Variants in ZNF804A observed in about 807,000 individuals in gnomAD.
ZNF804A encodes zinc finger protein 804A.
In ZNF804A, 2 loss-of-function variants were observed where a neutral mutation model predicts 16.5. The observed-to-expected ratio is 0.12, with a 90% CI of 0.05 to 0.38. The LOEUF (loss-of-function observed/expected upper bound fraction) is 0.38. Among genes scored for constraint, ZNF804A ranks in the 10% least tolerant of loss-of-function variants. The pLI, the probability that ZNF804A is intolerant of heterozygous loss-of-function variation, is 0.99. For synonymous variants in ZNF804A, 534 were observed against 489.6 expected (o/e 1.09, Z -1.20); for missense variants, 1,473 against 1,390.7 (o/e 1.06, Z -0.94).
intron 1 of ZNF804A, among the ~76,000 whole-genome samples, chr2:184,861,190 G>A (rs1258637924): frequency 6.6e-6 from 1 of 152,128 alleles, no homozygotes; most frequent in African/African-American, 2.4e-5. Context: ...AAAGTCCTAT[G>A]TTCACATTCC....
At chr2:184,879,359 T>C (rs901844527) in intron 2 of ZNF804A, among the ~76,000 whole-genome samples, 1 of 152,058 alleles carries the variant, frequency 6.6e-6, no homozygotes, top group Admixed American at 6.6e-5. Flanking sequence ...AAGGAGAACA[T>C]AGTGAAGTTT....
intron 1 of ZNF804A, among the ~76,000 whole-genome samples, chr2:184,783,736 T>C (rs938208153): frequency 6.6e-5 from 10 of 151,962 alleles, no homozygotes; most frequent in Non-Finnish European, 1.5e-4. Context: ...GCCCTTTCCA[T>C]AGCACATCTA....
At chr2:184,906,837 G>C in intron 2 of ZNF804A, among the ~76,000 whole-genome samples, 1 of 152,132 alleles carries the variant, frequency 6.6e-6, no homozygotes, top group Non-Finnish European at 1.5e-5. Context: ...GTTTTCTGTG[G>C]CTGCTCTAAA....
chr2:184,599,936 A>G (rs1691020095), intron 1 of ZNF804A, among the ~76,000 whole-genome samples: 1 of 152,178 alleles, frequency 6.6e-6, no homozygotes, highest in Admixed American at 6.5e-5. Context: ...TGTTTGGAGA[A>G]CTATACACCT....
At chr2:184,791,816 A>G (rs1694549083) in intron 1 of ZNF804A, among the ~76,000 whole-genome samples, 1 of 152,150 alleles carries the variant, frequency 6.6e-6, no homozygotes, top group Non-Finnish European at 1.5e-5. Context: ...ATAGTTTAAG[A>G]GCCCTAAAAA....
intron 1 of ZNF804A, among the ~76,000 whole-genome samples, chr2:184,732,765 T>C (rs571239633): frequency 6.6e-6 from 1 of 152,160 alleles, no homozygotes; most frequent in South Asian, 2.1e-4. Context: ...CTAAGTATTT[T>C]GTTTTGGGGG....
rs529290822 is a variant in ZNF804A, at chr2:184,600,097, G to A, written c.111+1027G>A. 2.6e-5 allele frequency among the ~76,000 whole-genome samples: 4 copies of A among 152,132 alleles called. No homozygotes were observed. In the East Asian group the frequency reaches 7.7e-4, roughly 29 times the overall value. On this transcript the variant is annotated intron_variant, in intron 1 of 3. Coordinates refer to ENST00000302277, the MANE Select transcript of ZNF804A (RefSeq NM_194250.2). ...CCTCCCTTCCCCTTTCTTACACAGT[G>A]GTAACTTAGCCTGAATGAGGAGAGT...
intron 1 of ZNF804A, among the ~76,000 whole-genome samples, chr2:184,634,853 A>T (rs35068933): frequency 0.12 from 18,978 of 152,204 alleles, 1,268 homozygotes; most frequent in Middle Eastern, 0.23. Context: ...ATACAAACCA[A>T]AAGAAAATGT....
intron 2 of ZNF804A, among the ~76,000 whole-genome samples, chr2:184,908,516 G>A (rs66473204): frequency 0.42 from 64,183 of 151,880 alleles, 16,390 homozygotes; most frequent in East Asian, 0.75. Flanking sequence ...ATGATCTGGG[G>A]ATTAGGAAAT....
rs141482019 is a variant in ZNF804A at position 184,737,064 on chromosome 2, G to GTTT, written c.112-129297_112-129295dup. Among the ~76,000 whole-genome samples the GTTT allele has an allele frequency of 5.6e-3, 812 of 144,438 alleles. 11 individuals carry two copies. Among genetic ancestry groups the GTTT allele is most frequent in the African/African-American group, 0.02 (778 of 39,538 alleles). The allele number at this position is 144,438 out of a possible 152,430, so 94.8% of individuals were successfully genotyped here. ...TACTACTTTTTTTTGTTTGTTTTTT[G>GTTT]TTTTTTTTTTGAGATGGAATCTCAC... On this transcript the variant is annotated intron_variant, in intron 1 of 3. Transcript: ENST00000302277.
At chr2:184,795,000 C>T (rs1266793934) in intron 1 of ZNF804A, among the ~76,000 whole-genome samples, 2 of 151,992 alleles carry the variant, frequency 1.3e-5, no homozygotes, top group African/African-American at 4.8e-5. Flanking sequence ...CACTGACAGC[C>T]CTAGACAGGT....
intron 1 of ZNF804A, among the ~76,000 whole-genome samples, chr2:184,805,742 A>C (rs1558966765): frequency 6.6e-6 from 1 of 152,066 alleles, no homozygotes; most frequent in Non-Finnish European, 1.5e-5. Flanking sequence ...GGAAACGTGC[A>C]AATATTTGAG....
intron 1 of ZNF804A, among the ~76,000 whole-genome samples, chr2:184,721,651 A>G (rs1693317893): frequency 6.6e-6 from 1 of 152,118 alleles, no homozygotes; most frequent in African/African-American, 2.4e-5. Context: ...GTACATTAAT[A>G]TAAGCATTAT....
chr2:184,715,482 C>T (rs1439768642), intron 1 of ZNF804A, among the ~76,000 whole-genome samples: 3 of 152,034 alleles, frequency 2.0e-5, no homozygotes, highest in Non-Finnish European at 1.5e-5. Flanking sequence ...GAATTCTGGG[C>T]TCAAGTGATC....
chr2:184,674,178 C>T (rs984765989), intron 1 of ZNF804A, among the ~76,000 whole-genome samples: 4 of 151,876 alleles, frequency 2.6e-5, no homozygotes, highest in African/African-American at 4.8e-5. Context: ...ACTGTTTCAT[C>T]GCAGTGCAAC....
At chr2:184,659,754 T>G (rs900824712) in intron 1 of ZNF804A, among the ~76,000 whole-genome samples, 2 of 152,196 alleles carry the variant, frequency 1.3e-5, no homozygotes, top group Non-Finnish European at 1.5e-5. Flanking sequence ...CAACTTAAAG[T>G]ATTAACTCCT....
chr2:184,917,234 A>T (rs1173340900), intron 2 of ZNF804A, among the ~76,000 whole-genome samples: 2 of 152,178 alleles, frequency 1.3e-5, no homozygotes, highest in African/African-American at 2.4e-5. Context: ...AAATAAATGT[A>T]ATAACAAGGT....
At chr2:184,786,854 T>G (rs1171254221) in intron 1 of ZNF804A, among the ~76,000 whole-genome samples, 1 of 151,958 alleles carries the variant, frequency 6.6e-6, no homozygotes, top group Non-Finnish European at 1.5e-5. Context: ...AGAAATTTGA[T>G]TTACAGAAAA....
intron 1 of ZNF804A, among the ~76,000 whole-genome samples, chr2:184,653,379 G>A (rs149754656): frequency 1.8e-4 from 28 of 152,216 alleles, no homozygotes; most frequent in African/African-American, 6.5e-4. Context: ...GTTACCAGTG[G>A]CGAATCCATA....
Sources: gnomAD v4.1 joint callset for allele counts (sites outside exome capture counted in the v4.1 genomes callset) on GRCh38, gnomAD v4.1.1 for gene constraint, MANE v1.5 for transcripts, NCBI Gene and HGNC (gene_info 2026-07-23, HGNC 2026-07-21) for gene names.